Variants in PHF3 observed in about 807,000 individuals in gnomAD.
The protein encoded by PHF3 is PHD finger protein 3.
A neutral mutation model predicts 178.4 loss-of-function variants in PHF3; 41 were observed. The observed-to-expected ratio is 0.23, with a 90% confidence interval of 0.18 to 0.30. PHF3 has a LOEUF of 0.30. Ranked by LOEUF, PHF3 falls within the 10% of genes least tolerant of loss-of-function variation. The pLI is 1.00. For missense variants in PHF3, 2,346 were observed against 2,398.1 expected, an observed-to-expected ratio of 0.98 and a Z score of 0.45; for synonymous variants, 842 against 800.5, an observed-to-expected ratio of 1.05 and a Z score of -0.88.
In PHF3 at chr6:63,696,382, C is replaced by T. The variant is rs184640016; in HGVS notation, c.2680+1618C>T. ...TCACCCAGGCTTGAGTGCAGTAGTGCAATAGCAGCTCACTACAGCCTTGAA... is the reference window on the plus strand; with the variant it reads ...TCACCCAGGCTTGAGTGCAGTAGTGTAATAGCAGCTCACTACAGCCTTGAA... On this transcript the variant is annotated intron_variant, in intron 6 of 15. Transcript: ENST00000262043. Among the ~76,000 whole-genome samples, 4 of 152,294 alleles carry T rather than the reference C, an allele frequency of 2.6e-5. No homozygotes were observed. The East Asian group carries it at 5.8e-4, about 22-fold the overall frequency.
In PHF3 at chr6:63,687,576, G is replaced by C. The variant is rs373731394; in HGVS notation, c.2189+1665G>C. 5.3e-5 allele frequency among the ~76,000 whole-genome samples: 8 copies of C among 152,174 alleles called. No homozygotes were observed. In the East Asian group the frequency reaches 1.3e-3, roughly 26 times the overall value. ...TAAAAAATTATCATGTGGACAGAGA[G>C]ATGGAATAGGTGCCTTAAGTAAATG... On this transcript the variant is annotated intron_variant, in intron 4 of 15. Transcript: ENST00000262043.
chr6:63,660,674 C>G lies in PHF3; in HGVS notation c.244+13879C>G, dbSNP rs548365436. Among the ~76,000 whole-genome samples, 283 of 152,162 alleles carry G rather than the reference C, an allele frequency of 1.9e-3. 1 individual carries two copies. Among genetic ancestry groups the G allele is most frequent in the Non-Finnish European group, 3.0e-3 (205 of 67,988 alleles). ...TTGTCTGCCATGAGTTTTGAGTGTT[C>G]TTGAGCTTTCTTGCTCAGCATGGCA... On this transcript the variant is annotated intron_variant, in intron 2 of 15. Coordinates refer to ENST00000262043, the MANE Select transcript of PHF3 (RefSeq NM_001370348.2).
At position 63,718,077 on chromosome 6, in the gene PHF3, G is replaced by GTGTTGAACT; in HGVS notation, c.*4370_*4371insGTTGAACTT. On this transcript the variant is annotated 3_prime_UTR_variant, in exon 16 of 16. Coordinates refer to ENST00000262043, the MANE Select transcript of PHF3 (RefSeq NM_001370348.2). ...TAGGAAGCGGGAATAGTGTTGATTTGTTACATGAACTTTCCAGGATTTTAA... is the reference window on the plus strand; with the variant it reads ...TAGGAAGCGGGAATAGTGTTGATTTGTGTTGAACTTTACATGAACTTTCCAGGATTTTAA... 6.6e-6 allele frequency among the ~76,000 whole-genome samples: 1 copy of GTGTTGAACT among 151,910 alleles called. No homozygotes were observed. The highest frequency in any genetic ancestry group is 1.5e-5 in the Non-Finnish European group (1 of 67,932).
In PHF3 at chr6:63,653,219, T is replaced by C. The variant is rs527729472; in HGVS notation, c.244+6424T>C. Among the ~76,000 whole-genome samples the C allele has an allele frequency of 1.1e-4, 16 of 151,914 alleles. No individual in the cohort carries two copies. The East Asian group carries it at 2.9e-3, about 27-fold the overall frequency. ...TGGTTTTGGGGATTTTTTTTTCTAT[T>C]TCTGTAAATATTGTTACTGGTATTT... On this transcript the variant is annotated intron_variant, in intron 2 of 15. Coordinates refer to ENST00000262043, the MANE Select transcript of PHF3 (RefSeq NM_001370348.2).
rs893908711 is a variant in PHF3 at position 63,719,299 on chromosome 6, C to G, written c.*5591C>G. On this transcript the variant is annotated 3_prime_UTR_variant, in exon 16 of 16. Transcript: ENST00000262043. ...TACTTTGTATAGACTGGAATCTGCACAGAAATGTGTATTCATCAGCCCTTA... is the reference window on the plus strand; with the variant it reads ...TACTTTGTATAGACTGGAATCTGCAGAGAAATGTGTATTCATCAGCCCTTA... Among the ~76,000 whole-genome samples, 44 of 152,104 alleles carry G rather than the reference C, an allele frequency of 2.9e-4. No homozygotes were observed. The highest frequency in any genetic ancestry group is 1.0e-3 in the African/African-American group (43 of 41,444).
chr6:63,659,323 A>G (rs533413320), intron 2 of PHF3, among the ~76,000 whole-genome samples: 1 of 152,334 alleles, frequency 6.6e-6, no homozygotes, highest in African/African-American at 2.4e-5. Flanking sequence ...AGAAGATGAT[A>G]AATTATTCTT....
At chr6:63,684,060 A>T (rs1417510493) in intron 3 of PHF3, 69 bp from the exon 4 acceptor site, 16 of 1,213,562 alleles carry the variant, frequency 1.3e-5, no homozygotes, top group Non-Finnish European at 1.9e-5. Context: ...TATATTCTAA[A>T]TTGTATTGAA....
rs2149613752 is a variant in PHF3, at chr6:63,712,949, C to T, written c.5361C>T (p.Thr1787=). 1 of 1,613,966 alleles carries T rather than the reference C, an allele frequency of 6.2e-7. No individual in the cohort carries two copies. Among genetic ancestry groups the T allele is most frequent in the Non-Finnish European group, 8.5e-7 (1 of 1,179,942 alleles). The change falls in exon 16 of 16, where the codon ACC becomes ACT. Residue 1787 remains threonine (T), a synonymous_variant. Transcript: ENST00000262043. ...SKSITFTSRS[T]SPRTSTNFSP... Reference sequence around the variant, plus strand: ...GCATCACCTTTACTTCCAGAAGCACCAGCCCCAGAACAAGTACAAACTTTT... The same window carrying T: ...GCATCACCTTTACTTCCAGAAGCACTAGCCCCAGAACAAGTACAAACTTTT...
chr6:63,705,988 G>GTAGTTAACA, intron 11 of PHF3, 41 bp from the exon 12 acceptor site: 1 of 1,470,364 alleles, frequency 6.8e-7, no homozygotes, highest in Non-Finnish European at 9.2e-7. Context: ...TATAAAAGTT[G>GTAGTTAACA]TAGTTAACAG....
intron 2 of PHF3, among the ~76,000 whole-genome samples, chr6:63,673,459 G>A (rs554074513): frequency 1.3e-5 from 2 of 151,588 alleles, no homozygotes; most frequent in Non-Finnish European, 2.9e-5. Context: ...GTTTCTTCTC[G>A]TCCTTCTCCA....
At chr6:63,660,611 A>G (rs1765425979) in intron 2 of PHF3, among the ~76,000 whole-genome samples, 2 of 152,152 alleles carry the variant, frequency 1.3e-5, no homozygotes, top group South Asian at 4.1e-4. Context: ...AGGATGTTTA[A>G]TAAGTCTAGT....
intron 1 of PHF3, among the ~76,000 whole-genome samples, chr6:63,644,091 C>G (rs1764683774): frequency 6.6e-6 from 1 of 152,118 alleles, no homozygotes; most frequent in African/African-American, 2.4e-5. Flanking sequence ...AATTTGCTGG[C>G]CTCATGTTGC....
At chr6:63,705,916 TG>T in intron 11 of PHF3, 112 bp from the exon 12 acceptor site, 1 of 727,538 alleles carries the variant, frequency 1.4e-6, no homozygotes, top group Non-Finnish European at 2.2e-6. Context: ...AGGAAATGTA[TG>T]GTTACTCAGC....
chr6:63,680,616 A>G (rs371158906), intron 3 of PHF3, among the ~76,000 whole-genome samples: 1 of 152,100 alleles, frequency 6.6e-6, no homozygotes, highest in Admixed American at 6.5e-5. Context: ...TGATACATTT[A>G]ATAAACTACA....
chr6:63,681,134 G>GT (rs1411926857), intron 3 of PHF3, among the ~76,000 whole-genome samples: 1 of 152,006 alleles, frequency 6.6e-6, no homozygotes, highest in African/African-American at 2.4e-5. Context: ...AATTCTGAAG[G>GT]TGTTGCTCCA....
At chr6:63,697,114 G>A (rs1486311993) in intron 6 of PHF3, among the ~76,000 whole-genome samples, 1 of 152,120 alleles carries the variant, frequency 6.6e-6, no homozygotes, top group Non-Finnish European at 1.5e-5. Flanking sequence ...GATAGTGTAG[G>A]TGTGAAACTC....
Position 63,645,342 on chromosome 6 carries a change from G to C in PHF3, c.-25-1185G>C, listed in dbSNP as rs1216606775. On this transcript the variant is annotated intron_variant, in intron 1 of 15. Coordinates refer to ENST00000262043, the MANE Select transcript of PHF3 (RefSeq NM_001370348.2). ...TGGGGAAGACATTTAAATTATTCAAGTGCATTTTTTTAAATAATGCGAGGA... is the reference window on the plus strand; with the variant it reads ...TGGGGAAGACATTTAAATTATTCAACTGCATTTTTTTAAATAATGCGAGGA... Among the ~76,000 whole-genome samples the C allele has an allele frequency of 2.0e-5, 3 of 152,224 alleles. No homozygotes were observed. The East Asian group carries it at 5.8e-4, about 29-fold the overall frequency.
intron 13 of PHF3, among the ~76,000 whole-genome samples, chr6:63,707,918 G>A (rs1216438621): frequency 6.6e-6 from 1 of 151,588 alleles, no homozygotes; most frequent in African/African-American, 2.4e-5. Context: ...CCTGGCTGGA[G>A]TGCAGTGGCG....
chr6:63,678,411 A>G (rs528329320), intron 2 of PHF3, among the ~76,000 whole-genome samples: 31 of 152,292 alleles, frequency 2.0e-4, no homozygotes, highest in East Asian at 7.7e-4. Context: ...TTCTCCTCCA[A>G]ACTTTTAGCG....
Sources: gnomAD v4.1 joint callset for allele counts (sites outside exome capture counted in the v4.1 genomes callset) on GRCh38, gnomAD v4.1.1 for gene constraint, MANE v1.5 for transcripts, NCBI Gene and HGNC (gene_info 2026-07-23, HGNC 2026-07-21) for gene names.